The following CHAT variants were observed in gnomAD, a reference collection of about 807,000 sequenced individuals.
CHAT encodes acetyl CoA:choline O-acetyltransferase.
In CHAT, 61 loss-of-function variants were observed where a neutral mutation model predicts 76.9. The ratio of observed to expected loss-of-function variants is 0.79; its 90% confidence interval spans 0.65 to 0.98. The LOEUF is 0.98. Among genes scored for constraint, CHAT ranks in the 50% least tolerant of loss-of-function variants. The probability of loss-of-function intolerance (pLI) is 0.00; values close to 1 mark genes in which losing one functional copy is unlikely to be tolerated. For synonymous variants in CHAT, 407 were observed against 397.4 expected, an observed-to-expected ratio of 1.02 and a Z score of -0.29; for missense variants, 946 against 986.9, an observed-to-expected ratio of 0.96 and a Z score of 0.56.
At chr10:49,651,773 C>A in intron 10 of CHAT, 111 bp from the exon 11 acceptor site, 1 of 1,123,118 alleles carries the variant, frequency 8.9e-7, no homozygotes, top group Non-Finnish European at 1.3e-6. Flanking sequence ...ACTACGTCCG[C>A]ACCTTCCAGA....
chr10:49,646,211 C>T (rs1343359997), intron 7 of CHAT, among the ~76,000 whole-genome samples: 2 of 152,228 alleles, frequency 1.3e-5, no homozygotes, highest in Non-Finnish European at 2.9e-5. Context: ...TCTTGGCATG[C>T]ATGACCAATA....
At chr10:49,611,061 G>A (rs748546701), upstream of CHAT, 3 of 1,614,058 alleles carry the variant, frequency 1.9e-6, no homozygotes, top group East Asian at 6.7e-5. Context: ...CGTGGCCAGC[G>A]GGCTCAGCCC....
In CHAT at chr10:49,662,796, C is replaced by T. The variant is rs1249085430; in HGVS notation, c.1977+14C>T. ...TCCACTAGCCAGGTACGGCCCCGTG[C>T]AGCTATCGCCCAAGAGTAGTGTAGT... is the stretch of plus-strand genomic sequence containing the variant. On this transcript the variant is annotated intron_variant, in intron 14 of 14. Transcript: ENST00000337653. 1 of 1,614,190 alleles carries T rather than the reference C, an allele frequency of 6.2e-7. No individual in the cohort carries two copies. Among genetic ancestry groups the T allele is most frequent in the Non-Finnish European group, 8.5e-7 (1 of 1,180,018 alleles).
rs1839408552 is a variant in CHAT at position 49,639,538 on chromosome 10, TATACACACAC to T, written c.1112-6965_1112-6956del. On this transcript the variant is annotated intron_variant, in intron 7 of 14. Coordinates refer to ENST00000337653, the MANE Select transcript of CHAT (RefSeq NM_020549.5). ...CTATAGAATATATATATAGTATATA[TATACACACAC>T]ACACACACACACACACACACATATG... Among the ~76,000 whole-genome samples the T allele has an allele frequency of 3.0e-4, 5 of 16,900 alleles. No homozygotes were observed. In the South Asian group the frequency reaches 0.036, roughly 121 times the overall value. The allele number at this position is 16,900 out of a possible 152,430, so 11.1% of individuals were successfully genotyped here. A position where few individuals can be genotyped will look rare whatever the true frequency, so the allele number is the denominator to read the frequency against.
upstream of CHAT, chr10:49,610,753 G>A (rs1838268922): frequency 6.5e-7 from 1 of 1,528,304 alleles, no homozygotes; most frequent in Non-Finnish European, 8.8e-7. Context: ...GGAATCCGCG[G>A]AACCTGCGGG....
Position 49,665,311 on chromosome 10 carries a change from A to C in CHAT, c.*265A>C, listed in dbSNP as rs1265891022. Among the ~76,000 whole-genome samples the C allele has an allele frequency of 6.6e-6, 1 of 152,172 alleles. No individual in the cohort carries two copies. The highest frequency in any genetic ancestry group is 6.5e-5 in the Admixed American group (1 of 15,282). ...CCTGGCTCAGAGGCAGCCTGGATGC[A>C]CTGGGGAACCACACTAAGGACTCCT... On this transcript the variant is annotated 3_prime_UTR_variant, in exon 15 of 15. Coordinates refer to ENST00000337653, the MANE Select transcript of CHAT (RefSeq NM_020549.5).
chr10:49,666,581 C>T lies in CHAT; in HGVS notation c.*1535C>T, dbSNP rs1216943726. ...GCCACTGTGAAGGCTCTCCACACTT[C>T]GACCTGGACTGTCACAGGCTGGCAG... On this transcript the variant is annotated 3_prime_UTR_variant, in exon 15 of 15. Transcript: ENST00000337653. 3.3e-5 allele frequency among the ~76,000 whole-genome samples: 5 copies of T among 152,176 alleles called. No individual in the cohort carries two copies. The highest frequency in any genetic ancestry group is 6.5e-5 in the Admixed American group (1 of 15,282).
chr10:49,612,032 C>A, upstream of CHAT: 1 of 1,613,720 alleles, frequency 6.2e-7, no homozygotes, highest in Non-Finnish European at 8.5e-7. Flanking sequence ...TATTCGGTGG[C>A]CTACGCGCTC....
Position 49,655,432 on chromosome 10 carries a change from C to A in CHAT, c.1823C>A (p.Thr608Asn), listed in dbSNP as rs773228076. The change falls in exon 13 of 15, where the codon ACT becomes AAT. Residue 608 changes from threonine (T) to asparagine (N), a missense_variant. This residue lies in a region of CHAT where 349 missense variants were observed against 393.9 expected (regional missense o/e 0.89). Transcript: ENST00000337653. The part of the protein sequence containing the change: ...LLLKDAIRAQ[T>N]AYTVMAITGM... ...CTGAAGGATGCCATCCGTGCCCAGACTGCATACACAGTCATGGTGAGTGAC... is the reference window on the plus strand; with the variant it reads ...CTGAAGGATGCCATCCGTGCCCAGAATGCATACACAGTCATGGTGAGTGAC... 2.8e-5 allele frequency: 45 copies of A among 1,613,996 alleles called. 1 individual carries two copies. The highest frequency in any genetic ancestry group is 3.5e-5 in the Non-Finnish European group (41 of 1,179,978).
intron 10 of CHAT, 61 bp downstream of exon 10, chr10:49,649,697 T>C (rs1839807940): frequency 2.5e-6 from 4 of 1,593,502 alleles, no homozygotes; most frequent in Non-Finnish European, 3.4e-6. Context: ...CCTTGCCTAC[T>C]AGCTCCCAAG....
intron 7 of CHAT, among the ~76,000 whole-genome samples, chr10:49,644,307 GGCCAT>G (rs1337943170): frequency 6.6e-6 from 1 of 152,178 alleles, no homozygotes; most frequent in Non-Finnish European, 1.5e-5. Flanking sequence ...GGAAGGAGGT[GGCCAT>G]GGAGCCCACG....
chr10:49,643,286 T>C (rs983352858), intron 7 of CHAT, among the ~76,000 whole-genome samples: 1 of 152,194 alleles, frequency 6.6e-6, no homozygotes, highest in Admixed American at 6.5e-5. Context: ...CCCTCACCCA[T>C]AAGCTGGAGG....
chr10:49,651,442 A>G (rs1027317345), intron 10 of CHAT, among the ~76,000 whole-genome samples: 3 of 152,182 alleles, frequency 2.0e-5, no homozygotes, highest in African/African-American at 7.2e-5. Context: ...GTCAGCTCAG[A>G]CCCCAGACTC....
chr10:49,636,382 T>C (rs1839294808), intron 7 of CHAT, among the ~76,000 whole-genome samples: 1 of 152,210 alleles, frequency 6.6e-6, no homozygotes, highest in Non-Finnish European at 1.5e-5. Flanking sequence ...GGTGTATAAT[T>C]CTTTTCATAT....
At chr10:49,621,100 C>T (rs144982236) in intron 4 of CHAT, among the ~76,000 whole-genome samples, 14 of 152,346 alleles carry the variant, frequency 9.2e-5, no homozygotes, top group East Asian at 7.7e-4. Flanking sequence ...CTCACTGAGC[C>T]GTTGGAAGGG....
intron 7 of CHAT, among the ~76,000 whole-genome samples, chr10:49,638,194 A>T (rs995752079): frequency 1.3e-5 from 2 of 152,204 alleles, no homozygotes; most frequent in African/African-American, 4.8e-5. Context: ...ATGCCCTTCT[A>T]TGTCTCTGGT....
chr10:49,661,735 G>T (rs1840200312), intron 13 of CHAT, among the ~76,000 whole-genome samples: 1 of 151,970 alleles, frequency 6.6e-6, no homozygotes. Context: ...GTCTCCATCA[G>T]CCCCTAGAAT....
chr10:49,616,132 GT>G (rs1168577630), intron 1 of CHAT: 1 of 1,561,676 alleles, frequency 6.4e-7, no homozygotes, highest in Non-Finnish European at 8.8e-7. Context: ...GAAAGAGAGA[GT>G]TTGATTGGCA....
At position 49,649,561 on chromosome 10, in the gene CHAT, C is replaced by T. The variant is rs1319866298; in HGVS notation, c.1436C>T (p.Ala479Val). Residue 479 changes from alanine (A) to valine (V), a missense_variant, in exon 10 of 15, where the codon GCC becomes GTC. Transcript: ENST00000337653. ...IRADSVSELP[A>V]PRRLRWKCSP... ...GCAGACTCCGTCAGCGAGCTCCCCG[C>T]CCCCCGGAGGCTGCGGTGGAAATGC... is the stretch of plus-strand genomic sequence containing the variant. 1.9e-6 allele frequency: 3 copies of T among 1,613,814 alleles called. No individual in the cohort carries two copies. Among genetic ancestry groups the T allele is most frequent in the South Asian group, 2.2e-5 (2 of 91,080 alleles).
Sources: gnomAD v4.1 joint callset for allele counts (sites outside exome capture counted in the v4.1 genomes callset) on GRCh38, gnomAD v4.1.1 for gene constraint, gnomAD v4.1.1 regional missense constraint, MANE v1.5 for transcripts, NCBI Gene and HGNC (gene_info 2026-07-23, HGNC 2026-07-21) for gene names.